Variants in SLCO3A1 observed in about 807,000 individuals in gnomAD.
SLCO3A1 encodes solute carrier organic anion transporter family member 3A1.
A neutral mutation model predicts 63.1 loss-of-function variants in SLCO3A1; 27 were observed. That is an observed-to-expected ratio of 0.43 (90% confidence interval 0.32 to 0.59). The LOEUF is 0.59. Among genes scored for constraint, SLCO3A1 ranks in the 20% least tolerant of loss-of-function variants. The pLI is 0.09. For synonymous variants in SLCO3A1, 473 were observed against 409.9 expected (o/e 1.15, Z -1.86); for missense variants, 773 against 945.8 (o/e 0.82, Z 2.40).
intron 1 of SLCO3A1, among the ~76,000 whole-genome samples, chr15:91,915,703 G>A (rs1898631656): frequency 6.6e-6 from 1 of 152,094 alleles, no homozygotes; most frequent in South Asian, 2.1e-4. Context: ...GGAATGCAGT[G>A]TTTCCGGAAG....
At chr15:91,904,022 G>A (rs919463727) in intron 1 of SLCO3A1, among the ~76,000 whole-genome samples, 16 of 57,910 alleles carry the variant, frequency 2.8e-4, no homozygotes, top group African/African-American at 1.4e-3. Context: ...GAGATGGGAA[G>A]GAGTGGGTCG....
chr15:91,932,006 G>A (rs1899252834), intron 2 of SLCO3A1, among the ~76,000 whole-genome samples: 2 of 152,168 alleles, frequency 1.3e-5, no homozygotes, highest in African/African-American at 4.8e-5. Flanking sequence ...CTGCAGTGGT[G>A]ACTGTCTTAG....
intron 1 of SLCO3A1, among the ~76,000 whole-genome samples, chr15:91,866,786 C>T (rs1897176573): frequency 6.6e-6 from 1 of 151,936 alleles, no homozygotes; most frequent in Admixed American, 6.6e-5. Context: ...GGTCCTGGGC[C>T]AGGTGGCAGC....
rs1897368280 is a variant in SLCO3A1, at chr15:91,875,105, C to T, written c.180+21017C>T. Among the ~76,000 whole-genome samples the T allele has an allele frequency of 6.6e-6, 1 of 152,108 alleles. No individual in the cohort carries two copies. Among genetic ancestry groups the T allele is most frequent in the South Asian group, 2.1e-4 (1 of 4,826 alleles). ...GTTGGCAGACAGTCTGTGTTGGTGC[C>T]CTTTTAATAGATGAGTCAGTTGCTG... On this transcript the variant is annotated intron_variant, in intron 1 of 9. Coordinates refer to ENST00000318445, the MANE Select transcript of SLCO3A1 (RefSeq NM_013272.4). The surrounding 1 kb of genome is among the most constrained non-coding windows in gnomAD (Gnocchi z 4.5).
chr15:92,053,199 G>T (rs1053057339), intron 2 of SLCO3A1, among the ~76,000 whole-genome samples: 1 of 152,144 alleles, frequency 6.6e-6, no homozygotes, highest in Non-Finnish European at 1.5e-5. Context: ...CACTCCTGGG[G>T]TTACAGTTTG....
At chr15:91,944,325 C>T (rs1254524397) in intron 2 of SLCO3A1, among the ~76,000 whole-genome samples, 1 of 152,118 alleles carries the variant, frequency 6.6e-6, no homozygotes, top group Non-Finnish European at 1.5e-5. Context: ...AGATTCAGTA[C>T]CTGATTTCTG....
At chr15:91,896,765 A>C (rs769713025) in intron 1 of SLCO3A1, among the ~76,000 whole-genome samples, 2 of 152,246 alleles carry the variant, frequency 1.3e-5, no homozygotes, top group African/African-American at 4.8e-5. Flanking sequence ...GCAGTGTGAG[A>C]ACAGACTAAT....
chr15:92,029,733 A>G (rs1483738682), intron 2 of SLCO3A1, among the ~76,000 whole-genome samples: 2 of 151,432 alleles, frequency 1.3e-5, no homozygotes, highest in African/African-American at 4.9e-5. Flanking sequence ...ATTTCATAAG[A>G]TTTTGTCAAA....
chr15:92,090,207 A>G (rs2047454628), intron 2 of SLCO3A1, among the ~76,000 whole-genome samples: 2 of 152,186 alleles, frequency 1.3e-5, no homozygotes, highest in Admixed American at 6.5e-5. Flanking sequence ...AACTCAGCTC[A>G]CAAAGATGTA....
downstream of SLCO3A1, among the ~76,000 whole-genome samples, chr15:92,168,541 T>C (rs963772011): frequency 1.2e-4 from 19 of 152,274 alleles, no homozygotes; most frequent in African/African-American, 4.1e-4. Context: ...CGTGTGCTGA[T>C]CTCTGTTCTC....
In SLCO3A1 at chr15:91,854,148, G is replaced by T. The variant is rs1236959285; in HGVS notation, c.180+60G>T. The T allele has an allele frequency of 1.5e-6, 2 of 1,309,894 alleles. No individual in the cohort carries two copies. The highest frequency in any genetic ancestry group is 3.1e-5 in the East Asian group (1 of 32,180). 81.1% of individuals were successfully genotyped at this position (1,309,894 alleles called of 1,614,324 possible). A position where few individuals can be genotyped will look rare whatever the true frequency, so the allele number is the denominator to read the frequency against. On this transcript the variant is annotated intron_variant, in intron 1 of 9. Transcript: ENST00000318445. The surrounding 1 kb of genome is among the most constrained non-coding windows in gnomAD (Gnocchi z 6.4). Reference sequence around the variant, plus strand: ...TCCCCAGCCCGGCTCTCGAGCGGCCGCCTGGCCCGACGAGGGGGCCGCCCG... The same window carrying T: ...TCCCCAGCCCGGCTCTCGAGCGGCCTCCTGGCCCGACGAGGGGGCCGCCCG...
At chr15:92,139,930 C>T (rs1283796653) in intron 7 of SLCO3A1, among the ~76,000 whole-genome samples, 886 of 115,050 alleles carry the variant, frequency 7.7e-3, no homozygotes, top group African/African-American at 0.013. Flanking sequence ...AAAACCAGCT[C>T]CTGGATTCAT....
intron 1 of SLCO3A1, among the ~76,000 whole-genome samples, chr15:91,861,774 C>T (rs537826521): frequency 4.3e-4 from 66 of 152,132 alleles, no homozygotes; most frequent in Middle Eastern, 6.8e-3. Context: ...CCGGCACATA[C>T]CACCAAGCCT....
At chr15:91,965,719 A>AGG (rs1036679544) in intron 2 of SLCO3A1, among the ~76,000 whole-genome samples, 23 of 131,266 alleles carry the variant, frequency 1.8e-4, no homozygotes, top group Admixed American at 1.5e-3. Context: ...GGCAGCCAGC[A>AGG]GGGTGTGTGT....
At chr15:91,994,702 C>T (rs1284614569) in intron 2 of SLCO3A1, among the ~76,000 whole-genome samples, 1 of 152,166 alleles carries the variant, frequency 6.6e-6, no homozygotes, top group Non-Finnish European at 1.5e-5. Flanking sequence ...TCTGTAAAAC[C>T]ATTACTTCCC....
rs191880390 is a variant in SLCO3A1, at chr15:92,150,467, C to T, written c.1689-483C>T. On this transcript the variant is annotated intron_variant, in intron 8 of 9. Coordinates refer to ENST00000318445, the MANE Select transcript of SLCO3A1 (RefSeq NM_013272.4). ...GTGGATTATTTCCCAAATGGTCCAT[C>T]CAGGGTGTCTAACCATGCTAATCTG... Among the ~76,000 whole-genome samples the T allele has an allele frequency of 5.0e-4, 76 of 152,274 alleles. 1 individual carries two copies. The highest frequency in any genetic ancestry group is 1.0e-3 in the Admixed American group (16 of 15,290).
At chr15:91,920,260 G>A (rs1898799230) in intron 2 of SLCO3A1, among the ~76,000 whole-genome samples, 1 of 152,182 alleles carries the variant, frequency 6.6e-6, no homozygotes, top group Non-Finnish European at 1.5e-5. Flanking sequence ...TGCTCACGAG[G>A]CTGGGATGGG....
Position 92,162,996 on chromosome 15 carries a change from C to A in SLCO3A1, c.1994C>A (p.Thr665Asn), listed in dbSNP as rs140514515. 8.3e-5 allele frequency: 134 copies of A among 1,613,002 alleles called. No homozygotes were observed. The highest frequency in any genetic ancestry group is 1.1e-4 in the Non-Finnish European group (125 of 1,179,464). The change falls in exon 10 of 10, where the codon ACC becomes AAC. Residue 665 changes from threonine (T) to asparagine (N), a missense_variant. This residue lies in a region of SLCO3A1 where 139 missense variants were observed against 131.4 expected (regional missense o/e 1.06). Transcript: ENST00000318445. ...AAAAACCACGAGGGCGGGCTGAGCA[C>A]CAGTGAGTTCTTTGCCTCTACTCTG... The part of the protein sequence containing the change: ...YIKNHEGGLS[T>N]SEFFASTLTL...
At chr15:91,915,829 G>C (rs1050704774) in intron 1 of SLCO3A1, among the ~76,000 whole-genome samples, 164 bp from the exon 2 acceptor site, 3 of 152,114 alleles carry the variant, frequency 2.0e-5, no homozygotes, top group African/African-American at 7.2e-5. Flanking sequence ...TTTCTGATTC[G>C]TCAGGTTAAA....
Sources: gnomAD v4.1 joint callset for allele counts (sites outside exome capture counted in the v4.1 genomes callset) on GRCh38, gnomAD v4.1.1 for gene constraint, gnomAD v4.1.1 regional missense constraint, Gnocchi (gnomAD v3.1) non-coding constraint, MANE v1.5 for transcripts, NCBI Gene and HGNC (gene_info 2026-07-23, HGNC 2026-07-21) for gene names.